Variants in ARHGAP39 observed in about 807,000 individuals in gnomAD.
ARHGAP39 encodes the protein Rho GTPase activating protein 39.
In ARHGAP39, 44 loss-of-function variants were observed where a neutral mutation model predicts 106.9. The ratio of observed to expected loss-of-function variants is 0.41; its 90% CI spans 0.32 to 0.53. ARHGAP39 has a LOEUF of 0.53. Among genes scored for constraint, ARHGAP39 ranks in the 20% least tolerant of loss-of-function variants. The pLI, the probability that ARHGAP39 is intolerant of heterozygous loss-of-function variation, is 0.21. For synonymous variants in ARHGAP39, 768 were observed against 693.2 expected (o/e 1.11, Z -1.69); for missense variants, 1,496 against 1,577.3 (o/e 0.95, Z 0.87).
chr8:144,534,345 T>C (rs2130818864), intron 7 of ARHGAP39, 143 bp from the exon 8 acceptor site: 1 of 791,662 alleles, frequency 1.3e-6, no homozygotes, highest in African/African-American at 1.7e-5. Context: ...GCACAGCGGG[T>C]CCTCACACTC....
At chr8:144,623,498 C>T (rs945579222) in intron 1 of ARHGAP39, among the ~76,000 whole-genome samples, 3 of 152,200 alleles carry the variant, frequency 2.0e-5, no homozygotes, top group South Asian at 2.1e-4. Flanking sequence ...GCGGCTCCAT[C>T]GAGGCTGGCT....
chr8:144,623,593 T>C (rs1820860095), intron 1 of ARHGAP39, among the ~76,000 whole-genome samples: 1 of 152,206 alleles, frequency 6.6e-6, no homozygotes, highest in Non-Finnish European at 1.5e-5. Context: ...CAGGCAGACG[T>C]GTTCCAGGAG....
intron 1 of ARHGAP39, among the ~76,000 whole-genome samples, chr8:144,658,522 G>A (rs764156616): frequency 6.6e-5 from 10 of 152,102 alleles, no homozygotes; most frequent in South Asian, 4.2e-4. Context: ...TGATCTGCTC[G>A]CCTCGGCCTC....
At chr8:144,549,084 G>C (rs979413957) in intron 4 of ARHGAP39, among the ~76,000 whole-genome samples, 2 of 152,270 alleles carry the variant, frequency 1.3e-5, no homozygotes, top group African/African-American at 4.8e-5. Flanking sequence ...AGTCCCCGGA[G>C]TCACGCTGTC....
At chr8:144,653,979 C>T (rs1319009026) in intron 1 of ARHGAP39, among the ~76,000 whole-genome samples, 1 of 152,204 alleles carries the variant, frequency 6.6e-6, no homozygotes, top group Admixed American at 6.5e-5. Flanking sequence ...AGAGCCGCGC[C>T]GTCTGCACGT....
chr8:144,619,886 G>A (rs1055358310), intron 1 of ARHGAP39, among the ~76,000 whole-genome samples: 3 of 150,676 alleles, frequency 2.0e-5, no homozygotes, highest in Non-Finnish European at 3.0e-5. Context: ...GTGTGAGTGA[G>A]CCTGTACATC....
chr8:144,554,539 C>T (rs955423545), intron 4 of ARHGAP39, among the ~76,000 whole-genome samples: 4 of 152,286 alleles, frequency 2.6e-5, no homozygotes, highest in East Asian at 1.9e-4. Context: ...AGGATGCAGT[C>T]GCGTTGGTCC....
intron 1 of ARHGAP39, among the ~76,000 whole-genome samples, chr8:144,675,899 G>A (rs1822223037): frequency 1.3e-5 from 2 of 152,168 alleles, no homozygotes; most frequent in Admixed American, 1.3e-4. Context: ...GAGTGAAGCT[G>A]CAGACCTTCG....
chr8:144,605,891 A>G (rs552875866), intron 1 of ARHGAP39, 196 bp from the exon 2 acceptor site: 11 of 489,892 alleles, frequency 2.2e-5, no homozygotes, highest in Middle Eastern at 1.1e-3. Flanking sequence ...AAGCCTGGCC[A>G]GCCCCACACG....
chr8:144,607,235 CAAAAAAA>C (rs1167793437), intron 1 of ARHGAP39, among the ~76,000 whole-genome samples: 3 of 50,696 alleles, frequency 5.9e-5, no homozygotes, highest in African/African-American at 2.1e-4. Context: ...GACATTGTCT[CAAAAAAA>C]AAAAAAAAAA....
intron 1 of ARHGAP39, among the ~76,000 whole-genome samples, chr8:144,614,383 C>T (rs1300987287): frequency 1.3e-5 from 2 of 148,190 alleles, no homozygotes; most frequent in African/African-American, 2.5e-5. Flanking sequence ...GACGGAGTCT[C>T]GCTCTGCCAC....
chr8:144,579,017 A>G (rs567540983), intron 3 of ARHGAP39, among the ~76,000 whole-genome samples: 3 of 151,998 alleles, frequency 2.0e-5, no homozygotes, highest in Admixed American at 2.0e-4. Context: ...CCTGGCTAAC[A>G]TGGTGAAACC....
At chr8:144,628,553 A>T (rs576928711) in intron 1 of ARHGAP39, among the ~76,000 whole-genome samples, 102 of 152,278 alleles carry the variant, frequency 6.7e-4, no homozygotes, top group African/African-American at 2.4e-3. Context: ...ACAAACCCAC[A>T]ACCACAGTGG....
In ARHGAP39 at chr8:144,586,145, T is replaced by C. The variant is rs957005115; in HGVS notation, c.81-4868A>G. On this transcript the variant is annotated intron_variant, in intron 2 of 11. Coordinates refer to ENST00000377307, the MANE Select transcript of ARHGAP39 (RefSeq NM_025251.3). The surrounding 1 kb of genome is among the most constrained non-coding windows in gnomAD (Gnocchi z 4.2). ...AGGTGTATGCCACCACAGCTGGCTA[T>C]TTTTTTTGTATTTTTAGTAGGGATG... is the stretch of plus-strand genomic sequence containing the variant. 1.3e-5 allele frequency: 2 copies of C among 152,060 alleles called. No individual in the cohort carries two copies. The highest frequency in any genetic ancestry group is 4.8e-5 in the African/African-American group (2 of 41,392). The allele number at this position is 152,060 out of a possible 1,614,324, so 9.4% of individuals were successfully genotyped here.
At chr8:144,576,433 T>C (rs1818781378) in intron 3 of ARHGAP39, among the ~76,000 whole-genome samples, 2 of 151,098 alleles carry the variant, frequency 1.3e-5, no homozygotes, top group African/African-American at 4.9e-5. Context: ...CCAGCATTCC[T>C]GAGACATTTT....
chr8:144,681,696 G>A (rs1822423549), intron 1 of ARHGAP39, among the ~76,000 whole-genome samples: 1 of 152,162 alleles, frequency 6.6e-6, no homozygotes, highest in Admixed American at 6.5e-5. Flanking sequence ...AGAGGTAGGA[G>A]ACAAAACTGG....
At chr8:144,603,180 C>T (rs1408088115) in intron 2 of ARHGAP39, among the ~76,000 whole-genome samples, 24 of 66,314 alleles carry the variant, frequency 3.6e-4, no homozygotes, top group Admixed American at 7.6e-4. Flanking sequence ...AGCTCATGTA[C>T]CTGTGTGTGT....
intron 1 of ARHGAP39, among the ~76,000 whole-genome samples, chr8:144,611,201 T>A (rs1820479106): frequency 6.6e-6 from 1 of 152,228 alleles, no homozygotes; most frequent in African/African-American, 2.4e-5. Context: ...TTCCAGATAT[T>A]TTTTATTGGT....
rs776332886 is a variant in ARHGAP39, at chr8:144,564,171, TAAAA to T, written c.513-8532_513-8529del. Among the ~76,000 whole-genome samples, 4 of 152,368 alleles carry T rather than the reference TAAAA, an allele frequency of 2.6e-5. No homozygotes were observed. In the South Asian group the frequency reaches 8.3e-4, roughly 32 times the overall value. On this transcript the variant is annotated intron_variant, in intron 3 of 11. Coordinates refer to ENST00000377307, the MANE Select transcript of ARHGAP39 (RefSeq NM_025251.3). ...CAGTATTTGGCAGTAGCTCTCTGTG[TAAAA>T]AGACATTTTTGCAGATGAAGCATGT... is the stretch of plus-strand genomic sequence containing the variant.
Sources: allele counts gnomAD v4.1 joint callset (sites outside exome capture counted in the v4.1 genomes callset), GRCh38; gene constraint gnomAD v4.1.1; non-coding constraint Gnocchi (gnomAD v3.1); transcripts MANE v1.5; gene names NCBI Gene and HGNC (gene_info 2026-07-23, HGNC 2026-07-21).